Variants in ALG13 observed in about 807,000 individuals in gnomAD.
The protein encoded by ALG13 is ALG13 UDP-N-acetylglucosaminyltransferase subunit.
Under a neutral mutation model 87.8 loss-of-function variants are expected in ALG13, and 11 were observed. The ratio of observed to expected loss-of-function variants is 0.13; its 90% CI spans 0.08 to 0.21. The LOEUF (loss-of-function observed/expected upper bound fraction) is 0.21, where lower values mean the gene tolerates loss of function less well. Among genes scored for constraint, ALG13 ranks in the 10% least tolerant of loss-of-function variants. The pLI, the probability that ALG13 is intolerant of heterozygous loss-of-function variation, is 1.00. For missense variants in ALG13, 756 were observed against 866.1 expected (o/e 0.87, Z 1.60); for synonymous variants, 320 against 306.3 (o/e 1.04, Z -0.47).
intron 5 of ALG13, among the ~76,000 whole-genome samples, chrX:111,709,690 T>C (rs1452717736): frequency 9.0e-6 from 1 of 111,207 alleles, no homozygotes; most frequent in African/African-American, 3.3e-5. Flanking sequence ...CTTTTCTTTT[T>C]TTTTTTTTTA....
Position 111,760,049 on chromosome X carries a change from G to C in ALG13, c.*50G>C. 1 of 1,149,367 alleles carries C rather than the reference G, an allele frequency of 8.7e-7. No individual in the cohort carries two copies. Among genetic ancestry groups the C allele is most frequent in the Non-Finnish European group, 1.2e-6 (1 of 858,565 alleles). The allele number at this position is 1,149,367 out of a possible 1,213,427, so 94.7% of individuals were successfully genotyped here. ...GCACTGCCATTTTCTTGCTGTTTTT[G>C]TTTTTAAAAAGTATTTTATGTTAGT... On this transcript the variant is annotated 3_prime_UTR_variant, in exon 27 of 27. Transcript: ENST00000394780.
At position 111,681,287 on chromosome X, in the gene ALG13, C is replaced by G. The variant is rs775248745; in HGVS notation, c.69C>G (p.Pro23=). Residue 23 remains proline, a synonymous_variant, in exon 1 of 27, where the codon CCC becomes CCG. Coordinates refer to ENST00000394780, the MANE Select transcript of ALG13 (RefSeq NM_001099922.3). ...ACCTCATTGCGTGTGTGTCGGCGCCCGACAGTCTGCAAGTGAGTGAGGGAG... is the reference window on the plus strand; with the variant it reads ...ACCTCATTGCGTGTGTGTCGGCGCCGGACAGTCTGCAAGTGAGTGAGGGAG... ...FDDLIACVSA[P]DSLQKIESLG... 5 of 1,210,912 alleles carry G rather than the reference C, an allele frequency of 4.1e-6. No individual in the cohort carries two copies. The Admixed American group carries it at 8.7e-5, about 21-fold the overall frequency.
chrX:111,713,666 T>C (rs1043504976), intron 8 of ALG13, among the ~76,000 whole-genome samples: 13 of 112,427 alleles, frequency 1.2e-4, no homozygotes, highest in African/African-American at 4.2e-4. Context: ...TTTCATACTT[T>C]GTGTCTTTGT....
At chrX:111,711,555 A>G in intron 5 of ALG13, 120 bp from the exon 6 acceptor site, 1 of 580,906 alleles carries the variant, frequency 1.7e-6, no homozygotes, top group Admixed American at 3.6e-5. Context: ...TGTGCAAAGT[A>G]GATACTTACA....
intron 3 of ALG13, chrX:111,686,263 T>TACAC: frequency 5.1e-6 from 2 of 393,892 alleles, no homozygotes; most frequent in Non-Finnish European, 7.6e-6. Context: ...TATATATGTG[T>TACAC]ATATATATAT....
At chrX:111,724,733 A>G (rs777185076) in intron 14 of ALG13, among the ~76,000 whole-genome samples, 1 of 112,499 alleles carries the variant, frequency 8.9e-6, no homozygotes, top group Non-Finnish European at 1.9e-5. Flanking sequence ...TTCTTCTGAA[A>G]TGTCATCGGT....
chrX:111,703,383 TTAAC>T (rs927561635), intron 3 of ALG13, among the ~76,000 whole-genome samples: 3 of 111,932 alleles, frequency 2.7e-5, no homozygotes, highest in African/African-American at 9.7e-5. Context: ...TTTGTTTTAC[TTAAC>T]TGTTAAATTT....
intron 26 of ALG13, 32 bp from the exon 27 acceptor site, chrX:111,759,702 A>G: frequency 1.7e-6 from 2 of 1,156,184 alleles, no homozygotes; most frequent in Non-Finnish European, 2.3e-6. Context: ...ATTTTTGTAT[A>G]TAAAGTAGAC....
intron 23 of ALG13, among the ~76,000 whole-genome samples, chrX:111,742,475 A>C (rs1454129419): frequency 3.6e-5 from 4 of 111,368 alleles, no homozygotes; most frequent in Non-Finnish European, 7.5e-5. Context: ...GATAAATAAC[A>C]CTTTAATTCA....
chrX:111,727,589 T>G (rs1222028027), intron 17 of ALG13, 25 bp from the exon 18 acceptor site: 1 of 1,173,215 alleles, frequency 8.5e-7, no homozygotes, highest in African/African-American at 1.8e-5. Context: ...TCATTTTTAC[T>G]TTTTTATTAT....
At chrX:111,712,607 A>G in intron 7 of ALG13, 77 bp downstream of exon 7, 2 of 562,815 alleles carry the variant, frequency 3.6e-6, no homozygotes, top group Non-Finnish European at 5.4e-6. Context: ...TCTCTTCAGG[A>G]TTGGGGAAAT....
At chrX:111,702,950 G>A (rs1340498762) in intron 3 of ALG13, among the ~76,000 whole-genome samples, 4 of 110,442 alleles carry the variant, frequency 3.6e-5, no homozygotes, top group Non-Finnish European at 7.6e-5. Flanking sequence ...ATTGTTTTCC[G>A]AATCCTAGTT....
chrX:111,749,252 T>A (rs1944505262), intron 24 of ALG13, among the ~76,000 whole-genome samples: 2 of 111,429 alleles, frequency 1.8e-5, no homozygotes, highest in Admixed American at 1.9e-4. Flanking sequence ...GGAGGTGATT[T>A]TTTTTTCTTT....
At chrX:111,715,922 C>T (rs754314374) in intron 8 of ALG13, among the ~76,000 whole-genome samples, 129 of 111,590 alleles carry the variant, frequency 1.2e-3, no homozygotes, top group Non-Finnish European at 2.1e-3. Flanking sequence ...GAGCCATCTT[C>T]ACTCAGCTCA....
intron 21 of ALG13, among the ~76,000 whole-genome samples, chrX:111,732,560 T>C (rs1942812031): frequency 8.9e-6 from 1 of 112,044 alleles, no homozygotes; most frequent in African/African-American, 3.2e-5. Context: ...TCATATTTTA[T>C]TGACCAAGTA....
At chrX:111,733,751 G>GT (rs1458814724) in intron 21 of ALG13, among the ~76,000 whole-genome samples, 3 of 111,121 alleles carry the variant, frequency 2.7e-5, no homozygotes, top group Admixed American at 1.9e-4. Context: ...GTACACAGTT[G>GT]TACTAGTTTA....
chrX:111,690,986 A>C lies in ALG13; in HGVS notation c.383+5883A>C, dbSNP rs180710110. ...CAAAACACTTCATATAGTCTGAGAA[A>C]TGACACATGGACAGATCATTTGAAA... is the stretch of plus-strand genomic sequence containing the variant. On this transcript the variant is annotated intron_variant, in intron 3 of 26. Transcript: ENST00000394780. Among the ~76,000 whole-genome samples, 7 of 111,946 alleles carry C rather than the reference A, an allele frequency of 6.3e-5. No homozygotes were observed. The Admixed American group carries it at 6.7e-4, about 11-fold the overall frequency.
chrX:111,748,954 G>A (rs761841433), intron 24 of ALG13, among the ~76,000 whole-genome samples: 1 of 110,540 alleles, frequency 9.0e-6, no homozygotes, highest in South Asian at 3.9e-4. Context: ...GAGGTGGTGA[G>A]CACCTGTAAT....
chrX:111,728,324 A>G lies in ALG13; in HGVS notation c.2368+19A>G. The stretch of plus-strand genomic sequence containing the variant: ...GAAAATGGTGAGTCAATTACAGTTA[A>G]ATATTTTTTAAAAGATTCTTGTGGC... On this transcript the variant is annotated intron_variant, in intron 19 of 26. Transcript: ENST00000394780. 8.3e-7 allele frequency: 1 copy of G among 1,206,828 alleles called. No individual in the cohort carries two copies. The highest frequency in any genetic ancestry group is 1.8e-5 in the South Asian group (1 of 55,856).
Sources: gnomAD v4.1 joint callset for allele counts (sites outside exome capture counted in the v4.1 genomes callset) on GRCh38, gnomAD v4.1.1 for gene constraint, MANE v1.5 for transcripts, NCBI Gene and HGNC (gene_info 2026-07-23, HGNC 2026-07-21) for gene names.